Variants in KCNQ3 observed in about 807,000 individuals in gnomAD.
The protein encoded by KCNQ3 is potassium voltage-gated channel subfamily Q member 3.
A neutral mutation model predicts 92.5 loss-of-function variants in KCNQ3; 30 were observed. The observed-to-expected ratio is 0.32, with a 90% CI of 0.24 to 0.44. KCNQ3 has a LOEUF of 0.44. KCNQ3 is among the 20% of genes least tolerant of loss of function. The pLI, the probability that KCNQ3 is intolerant of heterozygous loss-of-function variation, is 1.00. For missense variants in KCNQ3, 913 were observed against 1,140.3 expected (o/e 0.80, Z 2.87); for synonymous variants, 450 against 468.8 (o/e 0.96, Z 0.52).
At chr8:132,151,095 C>T (rs1028067473) in intron 9 of KCNQ3, among the ~76,000 whole-genome samples, 2 of 152,174 alleles carry the variant, frequency 1.3e-5, no homozygotes, top group African/African-American at 4.8e-5. Context: ...TTATAGGCTG[C>T]TTTTTTGGCT....
Position 132,346,672 on chromosome 8 carries a change from G to C in KCNQ3, c.386+133475C>G, listed in dbSNP as rs533013546. On this transcript the variant is annotated intron_variant, in intron 1 of 14. Coordinates refer to ENST00000388996, the MANE Select transcript of KCNQ3 (RefSeq NM_004519.4). ...TGAGCAAACTCCTTCATGTTTGCCT[G>C]GACAAATCTCCCAGGAGTCCCAGGC... Among the ~76,000 whole-genome samples the C allele has an allele frequency of 2.0e-5, 3 of 152,312 alleles. No individual in the cohort carries two copies. In the East Asian group the frequency reaches 5.8e-4, roughly 29 times the overall value.
intron 1 of KCNQ3, among the ~76,000 whole-genome samples, chr8:132,302,137 G>T (rs1817233997): frequency 6.6e-6 from 1 of 152,120 alleles, no homozygotes; most frequent in Non-Finnish European, 1.5e-5. Context: ...GACGAGGATG[G>T]GCTAGTCCAC....
intron 1 of KCNQ3, among the ~76,000 whole-genome samples, chr8:132,187,929 A>G (rs62519608): frequency 6.4e-5 from 8 of 124,206 alleles, no homozygotes; most frequent in Non-Finnish European, 1.0e-4. Context: ...TGGTGGTGAT[A>G]GTGATGGTGG....
intron 1 of KCNQ3, among the ~76,000 whole-genome samples, chr8:132,434,505 T>G (rs1587015874): frequency 1.3e-5 from 2 of 152,176 alleles, no homozygotes; most frequent in African/African-American, 2.4e-5. Flanking sequence ...GCTGGAAAAA[T>G]ACTTTCTGAA....
chr8:132,225,608 T>C (rs1031806697), intron 1 of KCNQ3, among the ~76,000 whole-genome samples: 1 of 152,222 alleles, frequency 6.6e-6, no homozygotes, highest in Non-Finnish European at 1.5e-5. Context: ...AAGCCAATTA[T>C]GGACACCTCT....
intron 9 of KCNQ3, among the ~76,000 whole-genome samples, chr8:132,153,742 C>G (rs568670150): frequency 3.3e-5 from 5 of 152,222 alleles, no homozygotes; most frequent in East Asian, 3.9e-4. Flanking sequence ...AAGCCCCCCC[C>G]CCATTAACAT....
intron 1 of KCNQ3, among the ~76,000 whole-genome samples, chr8:132,278,611 AG>A (rs1210023441): frequency 1.3e-5 from 2 of 152,240 alleles, no homozygotes; most frequent in Non-Finnish European, 2.9e-5. Context: ...GATAAGAACA[AG>A]ATCCACCTTC....
In KCNQ3 at chr8:132,327,365, T is replaced by G. The variant is rs186048293; in HGVS notation, c.387-141184A>C. 5.3e-5 allele frequency among the ~76,000 whole-genome samples: 8 copies of G among 152,312 alleles called. No homozygotes were observed. The East Asian group carries it at 1.5e-3, about 29-fold the overall frequency. ...TCTCTATGAAGTTAGGTGCTATCAT[T>G]ATCCCTACTGTACAGATGAAGAAAC... On this transcript the variant is annotated intron_variant, in intron 1 of 14. Transcript: ENST00000388996.
At chr8:132,231,003 A>G (rs575883270) in intron 1 of KCNQ3, among the ~76,000 whole-genome samples, 22 of 152,210 alleles carry the variant, frequency 1.4e-4, no homozygotes, top group Non-Finnish European at 2.5e-4. Flanking sequence ...TGTCCTTATA[A>G]AAAGGGAACA....
At chr8:132,228,767 A>AT (rs1814525299) in intron 1 of KCNQ3, among the ~76,000 whole-genome samples, 1 of 152,014 alleles carries the variant, frequency 6.6e-6, no homozygotes, top group Non-Finnish European at 1.5e-5. Flanking sequence ...TTGAAAAAAA[A>AT]AAAAAAAGAG....
intron 1 of KCNQ3, among the ~76,000 whole-genome samples, chr8:132,392,350 C>T (rs1437162706): frequency 2.0e-5 from 3 of 152,088 alleles, no homozygotes; most frequent in African/African-American, 7.2e-5. Context: ...CCTGCCCCAG[C>T]CCAGTACTCT....
intron 1 of KCNQ3, among the ~76,000 whole-genome samples, chr8:132,348,118 A>C (rs1818752351): frequency 6.6e-6 from 1 of 152,060 alleles, no homozygotes; most frequent in African/African-American, 2.4e-5. Flanking sequence ...TTATAATTGA[A>C]ATTCTTCATT....
chr8:132,323,897 A>G (rs1390676481), intron 1 of KCNQ3, among the ~76,000 whole-genome samples: 4 of 152,102 alleles, frequency 2.6e-5, no homozygotes, highest in Non-Finnish European at 5.9e-5. Context: ...TTCATCACCT[A>G]CAAAAGGAAG....
rs1026095317 is a variant in KCNQ3 at position 132,190,992 on chromosome 8, T to C, written c.387-4811A>G. Among the ~76,000 whole-genome samples the C allele has an allele frequency of 4.6e-5, 7 of 152,186 alleles. 1 individual carries two copies. Among genetic ancestry groups the C allele is most frequent in the Admixed American group, 3.9e-4 (6 of 15,278 alleles). ...AAACCTGGCACTTAATAAGAACCAA[T>C]GTATGTTTAGAGAATGAATACAAAC... On this transcript the variant is annotated intron_variant, in intron 1 of 14. Coordinates refer to ENST00000388996, the MANE Select transcript of KCNQ3 (RefSeq NM_004519.4).
At chr8:132,322,205 T>G (rs867525953) in intron 1 of KCNQ3, among the ~76,000 whole-genome samples, 1 of 152,110 alleles carries the variant, frequency 6.6e-6, no homozygotes, top group South Asian at 2.1e-4. Context: ...ATTAACCAGT[T>G]TGAATTGTTT....
At chr8:132,320,409 G>T (rs1210272461) in intron 1 of KCNQ3, among the ~76,000 whole-genome samples, 1 of 152,064 alleles carries the variant, frequency 6.6e-6, no homozygotes. Flanking sequence ...GGTCTTTCTT[G>T]CCTGTTTTGC....
At chr8:132,231,031 A>T (rs910767120) in intron 1 of KCNQ3, among the ~76,000 whole-genome samples, 2 of 152,214 alleles carry the variant, frequency 1.3e-5, no homozygotes, top group Admixed American at 1.3e-4. Flanking sequence ...ACAGAGACAG[A>T]CATGCACAGA....
At chr8:132,364,553 C>T (rs1011692094) in intron 1 of KCNQ3, among the ~76,000 whole-genome samples, 1 of 152,136 alleles carries the variant, frequency 6.6e-6, no homozygotes, top group Non-Finnish European at 1.5e-5. Flanking sequence ...TTGTACATTC[C>T]AGAAGGCAAG....
At chr8:132,155,252 A>T (rs1170925480) in intron 9 of KCNQ3, among the ~76,000 whole-genome samples, 1 of 152,192 alleles carries the variant, frequency 6.6e-6, no homozygotes, top group East Asian at 1.9e-4. Context: ...GGGCTGACAA[A>T]AAGCAGAGCT....
Sources: allele counts gnomAD v4.1 joint callset (sites outside exome capture counted in the v4.1 genomes callset), GRCh38; gene constraint gnomAD v4.1.1; transcripts MANE v1.5; gene names NCBI Gene and HGNC (gene_info 2026-07-23, HGNC 2026-07-21).